BRINP1: variants seen among roughly 807,000 people sequenced by gnomAD.
BRINP1 encodes BMP/retinoic acid-inducible neural-specific protein 1.
BRINP1 carries 17 observed loss-of-function variants against 72.9 expected under a neutral mutation model. The ratio of observed to expected loss-of-function variants is 0.23; its 90% CI spans 0.16 to 0.35. BRINP1 has a LOEUF of 0.35. BRINP1 is among the 10% of genes least tolerant of loss of function. BRINP1 has a pLI of 1.00. For synonymous variants in BRINP1, 418 were observed against 378.5 expected (o/e 1.10, Z -1.21); for missense variants, 850 against 1,001.6 (o/e 0.85, Z 2.04).
intron 3 of BRINP1, among the ~76,000 whole-genome samples, chr9:119,248,219 A>G (rs567250557): frequency 3.3e-5 from 5 of 152,324 alleles, no homozygotes; most frequent in African/African-American, 7.2e-5. Context: ...CTTTGTGAGT[A>G]TGTGGCACAG....
chr9:119,314,556 G>A (rs574286924), intron 1 of BRINP1, among the ~76,000 whole-genome samples: 62 of 152,200 alleles, frequency 4.1e-4, no homozygotes, highest in Admixed American at 1.9e-3. Context: ...CATAGAGATT[G>A]GATTTCACTA....
At chr9:119,256,534 G>A (rs1302493555) in intron 2 of BRINP1, among the ~76,000 whole-genome samples, 1 of 152,176 alleles carries the variant, frequency 6.6e-6, no homozygotes, top group Non-Finnish European at 1.5e-5. Flanking sequence ...AAATTGTGCT[G>A]GAAGAGTTAG....
intron 2 of BRINP1, among the ~76,000 whole-genome samples, chr9:119,269,156 C>T (rs1830582237): frequency 6.6e-6 from 1 of 152,120 alleles, no homozygotes. Context: ...TGAGTAATAC[C>T]TTATAATCAT....
intron 1 of BRINP1, among the ~76,000 whole-genome samples, chr9:119,339,084 TA>T (rs774394482): frequency 1.3e-5 from 2 of 152,222 alleles, no homozygotes; most frequent in Non-Finnish European, 2.9e-5. Context: ...CTGCTCCTAC[TA>T]ATCCTGTTTT....
chr9:119,217,324 C>T (rs1029323234), intron 5 of BRINP1, among the ~76,000 whole-genome samples: 1 of 143,026 alleles, frequency 7.0e-6, no homozygotes, highest in Non-Finnish European at 1.6e-5. Context: ...AACACACAGA[C>T]ACACAGACAC....
At position 119,369,173 on chromosome 9, in the gene BRINP1, C is replaced by A. The variant is rs1217833205; in HGVS notation, c.-168G>T. On this transcript the variant is annotated 5_prime_UTR_variant, in exon 1 of 8. Coordinates refer to ENST00000265922, the MANE Select transcript of BRINP1 (RefSeq NM_014618.3). ...CATTCCGGGCACGGCGCGGGGACTG[C>A]AGGCGTGGGGGTACCTGGCTCCTAG... is the stretch of plus-strand genomic sequence containing the variant. 7.5e-6 allele frequency: 3 copies of A among 398,668 alleles called. No individual in the cohort carries two copies. Among genetic ancestry groups the A allele is most frequent in the Admixed American group, 4.4e-5 (1 of 22,724 alleles). The allele number at this position is 398,668 out of a possible 1,614,324, so 24.7% of individuals were successfully genotyped here. A position where few individuals can be genotyped will look rare whatever the true frequency, so the allele number is the denominator to read the frequency against.
intron 3 of BRINP1, among the ~76,000 whole-genome samples, chr9:119,248,671 A>G (rs1245136665): frequency 6.6e-6 from 1 of 152,240 alleles, no homozygotes; most frequent in Non-Finnish European, 1.5e-5. Context: ...GGAACTGAGA[A>G]AATGATCAGA....
intron 1 of BRINP1, among the ~76,000 whole-genome samples, chr9:119,366,927 T>A (rs1339902621): frequency 1.3e-5 from 2 of 151,808 alleles, no homozygotes; most frequent in Non-Finnish European, 2.9e-5. Context: ...GTCTGTGAAT[T>A]AGGAAAGAGA....
intron 1 of BRINP1, among the ~76,000 whole-genome samples, chr9:119,317,722 C>T (rs893961603): frequency 6.6e-6 from 1 of 152,146 alleles, no homozygotes; most frequent in Admixed American, 6.5e-5. Flanking sequence ...TGTTGTCTAA[C>T]TTAAGAAATT....
intron 7 of BRINP1, among the ~76,000 whole-genome samples, chr9:119,179,896 C>T (rs561105385): frequency 2.0e-5 from 3 of 152,368 alleles, no homozygotes; most frequent in South Asian, 4.1e-4. Flanking sequence ...CCAGGAATTT[C>T]TGGCAACCTG....
chr9:119,188,991 A>T (rs1459467189), intron 7 of BRINP1, among the ~76,000 whole-genome samples: 1 of 152,210 alleles, frequency 6.6e-6, no homozygotes, highest in Non-Finnish European at 1.5e-5. Context: ...AGCCACAGTA[A>T]GTTCTTAAGG....
intron 1 of BRINP1, among the ~76,000 whole-genome samples, chr9:119,337,411 G>A (rs977990678): frequency 6.6e-6 from 1 of 152,196 alleles, no homozygotes; most frequent in Non-Finnish European, 1.5e-5. Flanking sequence ...TTCAGGATAA[G>A]CCAGGAGGAA....
At chr9:119,170,072 G>A (rs1453610533) in intron 7 of BRINP1, among the ~76,000 whole-genome samples, 9 of 152,120 alleles carry the variant, frequency 5.9e-5, no homozygotes, top group East Asian at 1.9e-4. Context: ...AAAGCAGAGC[G>A]CCTCTCCTCC....
intron 7 of BRINP1, among the ~76,000 whole-genome samples, chr9:119,181,495 C>T (rs186397632): frequency 2.0e-5 from 3 of 152,316 alleles, no homozygotes; most frequent in Admixed American, 6.5e-5. Flanking sequence ...GGGAAGGTAA[C>T]ATCTACTTTT....
intron 6 of BRINP1, among the ~76,000 whole-genome samples, chr9:119,211,305 C>T (rs543421164): frequency 6.6e-6 from 1 of 152,294 alleles, no homozygotes; most frequent in African/African-American, 2.4e-5. Flanking sequence ...TCAAGCGATT[C>T]TCCTGCCTCA....
intron 7 of BRINP1, among the ~76,000 whole-genome samples, chr9:119,174,805 A>C (rs1416290083): frequency 6.6e-6 from 1 of 151,730 alleles, no homozygotes; most frequent in Non-Finnish European, 1.5e-5. Context: ...TGATGAGTTC[A>C]TGTCCTTTGT....
At chr9:119,200,451 G>A (rs1226133531) in intron 7 of BRINP1, among the ~76,000 whole-genome samples, 3 of 151,784 alleles carry the variant, frequency 2.0e-5, no homozygotes, top group African/African-American at 7.3e-5. Context: ...CTGAGGCTCT[G>A]GCTATACAAA....
chr9:119,189,991 A>G (rs894955094), intron 7 of BRINP1, among the ~76,000 whole-genome samples: 7 of 152,092 alleles, frequency 4.6e-5, no homozygotes, highest in African/African-American at 1.7e-4. Flanking sequence ...CCACAATGGT[A>G]TGAAACTAGA....
At chr9:119,298,664 T>C (rs1830906636) in intron 2 of BRINP1, among the ~76,000 whole-genome samples, 2 of 152,054 alleles carry the variant, frequency 1.3e-5, no homozygotes, top group Admixed American at 6.6e-5. Flanking sequence ...CTTCACCCCA[T>C]CCTCTTCCAG....
Sources: gnomAD v4.1 joint callset for allele counts (sites outside exome capture counted in the v4.1 genomes callset) on GRCh38, gnomAD v4.1.1 for gene constraint, MANE v1.5 for transcripts, NCBI Gene and HGNC (gene_info 2026-07-23, HGNC 2026-07-21) for gene names.